The following LRRC7 variants were observed in gnomAD, a reference collection of about 807,000 sequenced individuals.
The protein encoded by LRRC7 is leucine-rich repeat-containing protein 7.
A neutral mutation model predicts 175.7 loss-of-function variants in LRRC7; 23 were observed. That is an observed-to-expected ratio of 0.13 (90% confidence interval 0.09 to 0.19). The LOEUF (loss-of-function observed/expected upper bound fraction) is 0.19, where lower values mean the gene tolerates loss of function less well. Among genes scored for constraint, LRRC7 ranks in the 10% least tolerant of loss-of-function variants. The pLI is 1.00. For synonymous variants in LRRC7, 685 were observed against 680.9 expected (o/e 1.01, Z -0.09); for missense variants, 1,354 against 1,904.7 (o/e 0.71, Z 5.38).
chr1:69,797,384 A>G (rs986454565), intron 4 of LRRC7, among the ~76,000 whole-genome samples: 5 of 152,160 alleles, frequency 3.3e-5, no homozygotes, highest in African/African-American at 1.2e-4. Context: ...GCATCACTAT[A>G]TTTATTCCAC....
At chr1:69,760,713 G>A (rs1670946290) in intron 3 of LRRC7, among the ~76,000 whole-genome samples, 1 of 151,810 alleles carries the variant, frequency 6.6e-6, no homozygotes, top group African/African-American at 2.4e-5. Context: ...AGAAAGAAAG[G>A]AAAAATATGA....
At chr1:70,108,193 A>AACTGGTC (rs1665274492) in intron 26 of LRRC7, among the ~76,000 whole-genome samples, 1 of 151,746 alleles carries the variant, frequency 6.6e-6, no homozygotes, top group South Asian at 2.1e-4. Flanking sequence ...AGGGAGAAGG[A>AACTGGTC]ACTGGTCCAT....
Position 70,038,246 on chromosome 1 carries a change from G to C in LRRC7, c.2422G>C (p.Asp808His), listed in dbSNP as rs2102024078. ...MSDTFTDNWTDGSHYDNTGFV... is the reference protein window; with the variant it reads ...MSDTFTDNWTHGSHYDNTGFV... Reference sequence around the variant, plus strand: ...TGATACTTTCACTGACAACTGGACTGATGGCTCGCATTATGACAACACAGG... The same window carrying C: ...TGATACTTTCACTGACAACTGGACTCATGGCTCGCATTATGACAACACAGG... Residue 808 changes from aspartate to histidine, a missense_variant, in exon 21 of 27, where the codon GAT becomes CAT. This residue lies in a region of LRRC7 where 1,032 missense variants were observed against 1,227.2 expected (regional missense o/e 0.84). Transcript: ENST00000651989. 6.2e-7 allele frequency: 1 copy of C among 1,614,166 alleles called. No homozygotes were observed. The highest frequency in any genetic ancestry group is 1.7e-5 in the Admixed American group (1 of 60,030).
chr1:69,920,441 C>T (rs1557889173), intron 7 of LRRC7: 1 of 152,024 alleles, frequency 6.6e-6, no homozygotes, highest in East Asian at 1.9e-4. Context: ...TCTGGAAACA[C>T]TATTATACAA....
chr1:69,859,331 A>C (rs1684110428), intron 7 of LRRC7, among the ~76,000 whole-genome samples: 1 of 152,140 alleles, frequency 6.6e-6, no homozygotes, highest in Admixed American at 6.6e-5. Flanking sequence ...CAGTAAGTAC[A>C]TGCATCATGA....
intron 1 of LRRC7, among the ~76,000 whole-genome samples, chr1:69,616,018 A>T (rs1297092933): frequency 1.3e-5 from 2 of 152,094 alleles, no homozygotes; most frequent in Admixed American, 6.6e-5. Flanking sequence ...AATGAAAAAG[A>T]CAAGGCAAAT....
At chr1:70,036,657 A>C in intron 20 of LRRC7, 33 bp downstream of exon 20, 1 of 1,560,948 alleles carries the variant, frequency 6.4e-7, no homozygotes, top group Non-Finnish European at 8.6e-7. Context: ...TTGTTCCCAA[A>C]CGTTTATTTT....
intron 2 of LRRC7, among the ~76,000 whole-genome samples, chr1:69,700,677 G>A (rs1172448983): frequency 6.6e-6 from 1 of 152,210 alleles, no homozygotes; most frequent in African/African-American, 2.4e-5. Flanking sequence ...AGGGGGAAGA[G>A]AAGACCAAGA....
At chr1:69,684,672 A>G (rs1354921490) in intron 2 of LRRC7, among the ~76,000 whole-genome samples, 1 of 152,118 alleles carries the variant, frequency 6.6e-6, no homozygotes, top group African/African-American at 2.4e-5. Context: ...TTTTCTTTTT[A>G]TCTCCTATAC....
chr1:69,814,684 T>A (rs1056392525), intron 4 of LRRC7, among the ~76,000 whole-genome samples: 3 of 152,160 alleles, frequency 2.0e-5, no homozygotes, highest in Non-Finnish European at 4.4e-5. Flanking sequence ...GTTGAACTCC[T>A]AGGTGAAGAT....
intron 3 of LRRC7, among the ~76,000 whole-genome samples, chr1:69,771,816 GCC>G (rs1452089461): frequency 1.2e-4 from 19 of 152,158 alleles, no homozygotes; most frequent in Non-Finnish European, 2.4e-4. Context: ...GATGGCAAAC[GCC>G]ATTATGAAAA....
chr1:69,838,616 T>G (rs944940785), intron 7 of LRRC7, among the ~76,000 whole-genome samples: 3 of 151,940 alleles, frequency 2.0e-5, no homozygotes, highest in Non-Finnish European at 4.4e-5. Flanking sequence ...TTCAACCTAA[T>G]AGGATGCTTA....
At position 69,596,461 on chromosome 1, in the gene LRRC7, C is replaced by G. The variant is rs939092230; in HGVS notation, c.2+27820C>G. Among the ~76,000 whole-genome samples, 3 of 152,146 alleles carry G rather than the reference C, an allele frequency of 2.0e-5. No individual in the cohort carries two copies. The East Asian group carries it at 5.8e-4, about 29-fold the overall frequency. ...TCACAGAGGTCAGTTGAGGCATAAG[C>G]AAGCTGGTACATAATAACATGCTCT... On this transcript the variant is annotated intron_variant, in intron 1 of 26. Coordinates refer to ENST00000651989, the MANE Select transcript of LRRC7 (RefSeq NM_001370785.2).
chr1:69,990,097 A>G (rs1042986173), intron 10 of LRRC7, among the ~76,000 whole-genome samples: 1 of 152,158 alleles, frequency 6.6e-6, no homozygotes, highest in Non-Finnish European at 1.5e-5. Flanking sequence ...ATCTGCTCTT[A>G]AAAGATGTAC....
At chr1:69,582,900 A>G (rs2100924057) in intron 1 of LRRC7, among the ~76,000 whole-genome samples, 1 of 152,154 alleles carries the variant, frequency 6.6e-6, no homozygotes, top group East Asian at 1.9e-4. Context: ...CTTGAAATGT[A>G]TTTTACAAAT....
At chr1:69,806,756 T>A (rs1311053608) in intron 4 of LRRC7, among the ~76,000 whole-genome samples, 1 of 152,030 alleles carries the variant, frequency 6.6e-6, no homozygotes, top group African/African-American at 2.4e-5. Context: ...GAGTTTGGTA[T>A]TGAACTTTCT....
At chr1:69,950,025 T>C (rs965046646) in intron 8 of LRRC7, among the ~76,000 whole-genome samples, 1 of 151,990 alleles carries the variant, frequency 6.6e-6, no homozygotes, top group Admixed American at 6.6e-5. Context: ...ATTTTTTTTC[T>C]TTCACTTGTT....
At chr1:69,917,270 G>C (rs930242280) in intron 7 of LRRC7, among the ~76,000 whole-genome samples, 12 of 152,100 alleles carry the variant, frequency 7.9e-5, no homozygotes, top group African/African-American at 2.9e-4. Flanking sequence ...TATTTGCTCC[G>C]TGACCTACAG....
At chr1:69,960,465 G>T (rs1422673223) in intron 8 of LRRC7, among the ~76,000 whole-genome samples, 1 of 151,856 alleles carries the variant, frequency 6.6e-6, no homozygotes, top group Non-Finnish European at 1.5e-5. Flanking sequence ...CAAATGGTTT[G>T]TCCCTTCTCT....
Sources: gnomAD v4.1 joint callset for allele counts (sites outside exome capture counted in the v4.1 genomes callset) on GRCh38, gnomAD v4.1.1 for gene constraint, gnomAD v4.1.1 regional missense constraint, MANE v1.5 for transcripts, NCBI Gene and HGNC (gene_info 2026-07-23, HGNC 2026-07-21) for gene names.